The following KNL1 variants were observed in gnomAD, a reference collection of about 807,000 sequenced individuals.
The protein encoded by KNL1 is kinetochore scaffold 1, also known as outer kinetochore KNL1 complex subunit KNL1.
A neutral mutation model predicts 201.3 loss-of-function variants in KNL1; 66 were observed. That is an observed-to-expected ratio of 0.33 (90% CI 0.27 to 0.40). The LOEUF (loss-of-function observed/expected upper bound fraction) is 0.40, where lower values mean the gene tolerates loss of function less well. Ranked by LOEUF, KNL1 falls within the 10% of genes least tolerant of loss-of-function variation. The pLI is 1.00. For missense variants in KNL1, 2,815 were observed against 2,690.5 expected, an observed-to-expected ratio of 1.05 and a Z score of -1.02; for synonymous variants, 895 against 899.2, an observed-to-expected ratio of 1.00 and a Z score of 0.08.
intron 13 of KNL1, among the ~76,000 whole-genome samples, chr15:40,636,539 C>A (rs1893060801): frequency 6.6e-6 from 1 of 152,094 alleles, no homozygotes; most frequent in Admixed American, 6.6e-5. Context: ...CAAAAATTAT[C>A]AACTCTAGTC....
At chr15:40,619,443 C>G (rs1347588184) in intron 9 of KNL1, among the ~76,000 whole-genome samples, 1 of 151,600 alleles carries the variant, frequency 6.6e-6, no homozygotes. Flanking sequence ...ACACTGTTGC[C>G]CAGGCTGGAG....
chr15:40,634,570 A>G (rs1196543537), intron 13 of KNL1, among the ~76,000 whole-genome samples: 1 of 152,216 alleles, frequency 6.6e-6, no homozygotes, highest in African/African-American at 2.4e-5. Context: ...AGATGGGCAC[A>G]CAACTCTTTT....
intron 20 of KNL1, 44 bp downstream of exon 20, chr15:40,651,616 C>T (rs1567021307): frequency 7.2e-7 from 1 of 1,389,582 alleles, no homozygotes. Context: ...TATTCTGTAC[C>T]TTGTGGTTGT....
chr15:40,621,851 T>C lies in KNL1; in HGVS notation c.1587T>C (p.Asp529=). The change falls in exon 10 of 26, where the codon GAT becomes GAC. Residue 529 remains aspartate (D), a synonymous_variant. Coordinates refer to ENST00000399668, the MANE Select transcript of KNL1 (RefSeq NM_144508.5). ...MLQNLMTTSE[D]GKMNVNCNSV... is the part of the protein sequence containing the mutation. ...AAAATCTTATGACCACATCAGAAGATGGGAAAATGAATGTAAATTGTAACT... is the reference window on the plus strand; with the variant it reads ...AAAATCTTATGACCACATCAGAAGACGGGAAAATGAATGTAAATTGTAACT... 1.2e-6 allele frequency: 2 copies of C among 1,614,056 alleles called. No individual in the cohort carries two copies. Among genetic ancestry groups the C allele is most frequent in the African/African-American group, 2.7e-5 (2 of 75,036 alleles).
intron 9 of KNL1, 88 bp downstream of exon 9, chr15:40,619,099 G>A: frequency 1.1e-6 from 1 of 917,732 alleles, no homozygotes; most frequent in Admixed American, 1.8e-5. Context: ...GCATAGTTTA[G>A]GGATGACTTA....
At chr15:40,641,318 G>A (rs904654363) in intron 14 of KNL1, among the ~76,000 whole-genome samples, 2 of 152,144 alleles carry the variant, frequency 1.3e-5, no homozygotes, top group Non-Finnish European at 2.9e-5. Flanking sequence ...TAGAAATGGC[G>A]TATATAAATT....
intron 20 of KNL1, 26 bp from the exon 21 acceptor site, chr15:40,651,979 T>A: frequency 1.3e-6 from 2 of 1,567,110 alleles, no homozygotes; most frequent in Non-Finnish European, 8.8e-7. Context: ...AAACGCTTTT[T>A]AAAAATCTTG....
chr15:40,620,165 T>G (rs1892469054), intron 9 of KNL1, among the ~76,000 whole-genome samples: 1 of 152,176 alleles, frequency 6.6e-6, no homozygotes, highest in African/African-American at 2.4e-5. Flanking sequence ...TGCCTCAGCC[T>G]TCCAAAGTGC....
rs748870851 is a variant in KNL1, at chr15:40,625,169, A to G, written c.4905A>G (p.Leu1635=). ...ATAATGGAGCTGAAACCACCTCTCT[A>G]CCGCCAAAGACAGTTTTTAAAGATA... ...KSHNGAETTS[L]PPKTVFKDKV... Residue 1635 remains leucine (L), a synonymous_variant, in exon 10 of 26, where the codon CTA becomes CTG. Transcript: ENST00000399668. The G allele has an allele frequency of 1.9e-6, 3 of 1,614,050 alleles. No homozygotes were observed. The Admixed American group carries it at 5.0e-5, about 27-fold the overall frequency.
chr15:40,623,198 C>A lies in KNL1; in HGVS notation c.2934C>A (p.Ser978=), dbSNP rs1276938355. ...CAGACAGACCTAACTTTGAACTATCCCAAAGGAAAAGCCTAGGAACACCAA... is the reference window on the plus strand; with the variant it reads ...CAGACAGACCTAACTTTGAACTATCACAAAGGAAAAGCCTAGGAACACCAA... ...ERTDRPNFEL[S]QRKSLGTPTV... The change falls in exon 10 of 26, where the codon TCC becomes TCA. Residue 978 remains serine (S), a synonymous_variant. Coordinates refer to ENST00000399668, the MANE Select transcript of KNL1 (RefSeq NM_144508.5). The A allele has an allele frequency of 2.5e-6, 4 of 1,613,864 alleles. No homozygotes were observed. The East Asian group carries it at 6.7e-5, about 27-fold the overall frequency.
At chr15:40,630,945 C>T (rs1892896067) in intron 13 of KNL1, among the ~76,000 whole-genome samples, 1 of 151,706 alleles carries the variant, frequency 6.6e-6, no homozygotes, top group South Asian at 2.1e-4. Flanking sequence ...CATGGCTGAA[C>T]CCGTCTCTAA....
At chr15:40,619,130 C>T (rs1482591812) in intron 9 of KNL1, 119 bp downstream of exon 9, 4 of 735,540 alleles carry the variant, frequency 5.4e-6, no homozygotes, top group Non-Finnish European at 9.5e-6. Flanking sequence ...TCAGCATAAA[C>T]TGGAAAGGCT....
chr15:40,649,671 C>G (rs928521171), intron 17 of KNL1, among the ~76,000 whole-genome samples: 8 of 151,986 alleles, frequency 5.3e-5, no homozygotes, highest in Non-Finnish European at 7.4e-5. Flanking sequence ...GTGGCATGAT[C>G]ATAGCTCACT....
intron 17 of KNL1, chr15:40,650,028 C>G: frequency 3.8e-6 from 1 of 262,006 alleles, no homozygotes; most frequent in Non-Finnish European, 7.2e-6. Context: ...AGAGTAAGTG[C>G]CTAGTACATG....
intron 19 of KNL1, 114 bp downstream of exon 19, chr15:40,650,697 A>T: frequency 1.1e-6 from 1 of 896,140 alleles, no homozygotes. Context: ...ATTGAGGCTG[A>T]CTCAGGGCTT....
At chr15:40,601,229 G>C (rs1891782337) in intron 1 of KNL1, among the ~76,000 whole-genome samples, 1 of 152,174 alleles carries the variant, frequency 6.6e-6, no homozygotes, top group South Asian at 2.1e-4. Flanking sequence ...CTCCTTACGA[G>C]AGTCTAATGC....
intron 13 of KNL1, among the ~76,000 whole-genome samples, chr15:40,633,473 G>A (rs1385895619): frequency 1.3e-5 from 2 of 152,148 alleles, no homozygotes; most frequent in Non-Finnish European, 1.5e-5. Flanking sequence ...ATTATGTACA[G>A]TAACATAATA....
Position 40,647,001 on chromosome 15 carries a change from A to G in KNL1, c.6021A>G (p.Lys2007=). Residue 2007 remains lysine, a synonymous_variant, in exon 17 of 26, where the codon AAA becomes AAG. Coordinates refer to ENST00000399668, the MANE Select transcript of KNL1 (RefSeq NM_144508.5). Reference sequence around the variant, plus strand: ...TTTGTATTTAGAATGAGAGGGAGAAACTTCAAATAAAGATAGATGAGATGG... The same window carrying G: ...TTTGTATTTAGAATGAGAGGGAGAAGCTTCAAATAAAGATAGATGAGATGG... ...LVQSAQNERE[K]LQIKIDEMDK... 2 of 1,459,636 alleles carry G rather than the reference A, an allele frequency of 1.4e-6. No individual in the cohort carries two copies. Among genetic ancestry groups the G allele is most frequent in the Non-Finnish European group, 1.9e-6 (2 of 1,039,908 alleles). The allele number at this position is 1,459,636 out of a possible 1,614,324, so 90.4% of individuals were successfully genotyped here. A position where few individuals can be genotyped will look rare whatever the true frequency, so the allele number is the denominator to read the frequency against.
At position 40,623,238 on chromosome 15, in the gene KNL1, C is replaced by T; in HGVS notation, c.2974C>T (p.Pro992Ser). ...SLGTPTVICTPTEESVFFPGN... is the reference protein window; with the variant it reads ...SLGTPTVICTSTEESVFFPGN... ...AGGAACACCAACAGTGATATGTACT[C>T]CTACTGAGGAGAGTGTTTTCTTTCC... The change falls in exon 10 of 26, where the codon CCT becomes TCT. Residue 992 changes from proline (P) to serine (S), a missense_variant. By Grantham distance (74) the Pro-to-Ser change is moderately conservative. Transcript: ENST00000399668. 6.2e-7 allele frequency: 1 copy of T among 1,613,882 alleles called. No homozygotes were observed. Among genetic ancestry groups the T allele is most frequent in the African/African-American group, 1.3e-5 (1 of 75,030 alleles).
Sources: gnomAD v4.1 joint callset for allele counts (sites outside exome capture counted in the v4.1 genomes callset) on GRCh38, gnomAD v4.1.1 for gene constraint, MANE v1.5 for transcripts, NCBI Gene and HGNC (gene_info 2026-07-23, HGNC 2026-07-21) for gene names.